SIRT1: variants seen among roughly 807,000 people sequenced by gnomAD.
The protein encoded by SIRT1 is NAD-dependent protein deacetylase sirtuin-1.
A neutral mutation model predicts 67.9 loss-of-function variants in SIRT1; 24 were observed. The observed-to-expected ratio is 0.35, with a 90% confidence interval of 0.26 to 0.50. SIRT1 has a LOEUF of 0.50. Among genes scored for constraint, SIRT1 ranks in the 20% least tolerant of loss-of-function variants. The pLI is 0.98. For synonymous variants in SIRT1, 378 were observed against 350.7 expected, an observed-to-expected ratio of 1.08 and a Z score of -0.87; for missense variants, 873 against 937.2, an observed-to-expected ratio of 0.93 and a Z score of 0.89.
chr10:67,885,941 C>CCCT (rs1384555771), intron 1 of SIRT1, among the ~76,000 whole-genome samples: 6 of 95,564 alleles, frequency 6.3e-5, no homozygotes, highest in African/African-American at 2.4e-4. Flanking sequence ...TTGAAGGTTT[C>CCCT]TTTTTTTTTT....
At chr10:67,906,374 T>A in intron 4 of SIRT1, 2 of 1,364,716 alleles carry the variant, frequency 1.5e-6, no homozygotes, top group Non-Finnish European at 1.0e-6. Flanking sequence ...AATATTCTTG[T>A]ATTGACAGTG....
intron 4 of SIRT1, among the ~76,000 whole-genome samples, chr10:67,892,542 C>T (rs896979296): frequency 6.6e-6 from 1 of 152,064 alleles, no homozygotes; most frequent in Non-Finnish European, 1.5e-5. Flanking sequence ...TTGCACTCCA[C>T]CCTGGGCAAC....
chr10:67,909,321 G>A lies in SIRT1; in HGVS notation c.1236G>A (p.Val412=), dbSNP rs1019056389. ...EPLAIMKPEI[V]FFGENLPEQF... ...TTGCTATCATGAAACCAGAGATTGT[G>A]TTTTTTGGTGAAAATTTACCAGAAC... The change falls in exon 7 of 9, where the codon GTG becomes GTA. Residue 412 remains valine (V), a synonymous_variant. Coordinates refer to ENST00000212015, the MANE Select transcript of SIRT1 (RefSeq NM_012238.5). 1.9e-6 allele frequency: 3 copies of A among 1,613,228 alleles called. No individual in the cohort carries two copies. The highest frequency in any genetic ancestry group is 2.5e-6 in the Non-Finnish European group (3 of 1,179,790).
At chr10:67,907,715 A>G (rs1353936580) in intron 5 of SIRT1, among the ~76,000 whole-genome samples, 2 of 152,166 alleles carry the variant, frequency 1.3e-5, no homozygotes, top group East Asian at 3.8e-4. Flanking sequence ...GGAACTGTCC[A>G]ACTCTGCAGG....
chr10:67,885,139 A>G lies in SIRT1; in HGVS notation c.418A>G (p.Ile140Val), dbSNP rs1842454902. 4.2e-6 allele frequency: 6 copies of G among 1,424,294 alleles called. No individual in the cohort carries two copies. The African/African-American group carries it at 4.5e-5, about 11-fold the overall frequency. 88.2% of individuals were successfully genotyped at this position (1,424,294 alleles called of 1,614,324 possible). Residue 140 changes from isoleucine (I) to valine (V), a missense_variant, in exon 1 of 9, where the codon ATT (isoleucine) becomes GTT (valine). Physicochemically the swap from Ile to Val is conservative, Grantham distance 29. This residue lies in a region of SIRT1 where 327 missense variants were observed against 283.9 expected (regional missense o/e 1.15). Transcript: ENST00000212015. ...GGAGGAAGAGGCGGCGGCGGCGGCG[A>G]TTGGGTACCGAGGTGCGCAGGGTGC... is the stretch of plus-strand genomic sequence containing the variant. Reference protein sequence around the residue: ...EEEEEAAAAAIGYRDNLLFGD... With the variant: ...EEEEEAAAAAVGYRDNLLFGD...
At chr10:67,903,302 T>C (rs1842770792) in intron 4 of SIRT1, among the ~76,000 whole-genome samples, 1 of 151,774 alleles carries the variant, frequency 6.6e-6, no homozygotes, top group African/African-American at 2.4e-5. Context: ...TGCCTTTTAC[T>C]CTAGGGTCTT....
intron 2 of SIRT1, 124 bp from the exon 3 acceptor site, chr10:67,888,758 A>C (rs1341941415): frequency 6.7e-6 from 7 of 1,043,904 alleles, no homozygotes; most frequent in African/African-American, 1.6e-5. Context: ...ATGAAATACC[A>C]TTAAATTGCA....
intron 8 of SIRT1, among the ~76,000 whole-genome samples, chr10:67,913,731 AAAG>A (rs1158105793): frequency 1.3e-5 from 2 of 152,228 alleles, no homozygotes; most frequent in South Asian, 2.1e-4. Context: ...ATGTTAAAAA[AAAG>A]AAAACCACTG....
At chr10:67,905,557 G>A (rs2131878162) in intron 4 of SIRT1, among the ~76,000 whole-genome samples, 1 of 152,286 alleles carries the variant, frequency 6.6e-6, no homozygotes. Flanking sequence ...AGAAGTTGCA[G>A]TGGGAATTTT....
intron 4 of SIRT1, among the ~76,000 whole-genome samples, chr10:67,906,560 C>CT (rs1422354670): frequency 2.0e-5 from 3 of 152,006 alleles, no homozygotes; most frequent in Non-Finnish European, 4.4e-5. Flanking sequence ...TATGGGCCGA[C>CT]TTTGTCTTTT....
intron 1 of SIRT1, among the ~76,000 whole-genome samples, chr10:67,887,145 T>TA (rs1268537303): frequency 6.6e-6 from 1 of 152,198 alleles, no homozygotes; most frequent in Non-Finnish European, 1.5e-5. Context: ...GCTCTGGAAT[T>TA]AGAGGCGTGA....
chr10:67,914,505 C>G (rs35592342), intron 8 of SIRT1, among the ~76,000 whole-genome samples: 7 of 152,114 alleles, frequency 4.6e-5, no homozygotes, highest in Non-Finnish European at 8.8e-5. Context: ...GGGATGCTTA[C>G]GTTTGCAAAT....
intron 4 of SIRT1, chr10:67,906,149 C>A: frequency 3.8e-6 from 5 of 1,324,650 alleles, no homozygotes; most frequent in Non-Finnish European, 4.8e-6. Flanking sequence ...TATCTGAATT[C>A]TTTGTTTTTA....
chr10:67,895,685 T>C (rs1224484027), intron 4 of SIRT1, among the ~76,000 whole-genome samples: 1 of 150,154 alleles, frequency 6.7e-6, no homozygotes, highest in African/African-American at 2.4e-5. Context: ...AGAATTTCTA[T>C]ACCATCTATT....
chr10:67,886,864 T>C (rs1334806768), intron 1 of SIRT1, among the ~76,000 whole-genome samples: 1 of 151,792 alleles, frequency 6.6e-6, no homozygotes, highest in East Asian at 1.9e-4. Context: ...CTTTTCTTTT[T>C]TTTTTTCCTT....
At chr10:67,908,008 C>A (rs202131309) in intron 5 of SIRT1, 38 bp from the exon 6 acceptor site, 1 of 1,525,946 alleles carries the variant, frequency 6.6e-7, no homozygotes, top group Non-Finnish European at 9.0e-7. Context: ...AACAGAAATA[C>A]TTCTTTAATA....
Position 67,884,761 on chromosome 10 carries a change from T to A in SIRT1, c.40T>A (p.Ser14Thr). Reference sequence around the variant, plus strand: ...GGCCCTCGCCCTTCAGCCCGGCGGCTCCCCCTCGGCGGCGGGGGCCGACAG... The same window carrying A: ...GGCCCTCGCCCTTCAGCCCGGCGGCACCCCCTCGGCGGCGGGGGCCGACAG... Reference protein sequence around the residue: ...EAALALQPGGSPSAAGADREA... With the variant: ...EAALALQPGGTPSAAGADREA... The change falls in exon 1 of 9, where the codon TCC (serine) becomes ACC (threonine). Residue 14 changes from serine (S) to threonine (T), a missense_variant. Transcript: ENST00000212015. 8.2e-7 allele frequency: 1 copy of A among 1,225,152 alleles called. No homozygotes were observed. Among genetic ancestry groups the A allele is most frequent in the Non-Finnish European group, 1.0e-6 (1 of 984,056 alleles). 75.9% of individuals were successfully genotyped at this position (1,225,152 alleles called of 1,614,324 possible).
At position 67,903,772 on chromosome 10, in the gene SIRT1, A is replaced by C. The variant is rs531436788; in HGVS notation, c.943-3018A>C. Among the ~76,000 whole-genome samples the C allele has an allele frequency of 6.6e-5, 10 of 152,270 alleles. No homozygotes were observed. In the East Asian group the frequency reaches 1.9e-3, roughly 29 times the overall value. ...CTGGATTATTTGCATGTTTCCAGACACAGCTATGTGAAAGCAGGGTTTGTT... is the reference window on the plus strand; with the variant it reads ...CTGGATTATTTGCATGTTTCCAGACCCAGCTATGTGAAAGCAGGGTTTGTT... On this transcript the variant is annotated intron_variant, in intron 4 of 8. Coordinates refer to ENST00000212015, the MANE Select transcript of SIRT1 (RefSeq NM_012238.5).
In SIRT1 at chr10:67,890,806, G is replaced by A. The variant is rs193148214; in HGVS notation, c.790-596G>A. 2.6e-5 allele frequency among the ~76,000 whole-genome samples: 4 copies of A among 151,912 alleles called. No homozygotes were observed. In the East Asian group the frequency reaches 5.8e-4, roughly 22 times the overall value. ...AGCACTTTGGGAGGCTGAGGCCTGCGGATCACGAGGTTAGGAGATCGAGAC... is the reference window on the plus strand; with the variant it reads ...AGCACTTTGGGAGGCTGAGGCCTGCAGATCACGAGGTTAGGAGATCGAGAC... On this transcript the variant is annotated intron_variant, in intron 3 of 8. Transcript: ENST00000212015.
Sources: gnomAD v4.1 joint callset for allele counts (sites outside exome capture counted in the v4.1 genomes callset) on GRCh38, gnomAD v4.1.1 for gene constraint, gnomAD v4.1.1 regional missense constraint, MANE v1.5 for transcripts, NCBI Gene and HGNC (gene_info 2026-07-23, HGNC 2026-07-21) for gene names.